Variants in ATRNL1 observed in about 807,000 individuals in gnomAD.
ATRNL1 encodes attractin like 1.
ATRNL1 carries 95 observed loss-of-function variants against 182.7 expected under a neutral mutation model. The observed-to-expected ratio is 0.52, with a 90% confidence interval of 0.44 to 0.62. ATRNL1 has a LOEUF of 0.62. Among genes scored for constraint, ATRNL1 ranks in the 20% least tolerant of loss-of-function variants. ATRNL1 has a pLI of 0.00. For missense variants in ATRNL1, 1,471 were observed against 1,679.5 expected (o/e 0.88, Z 2.17); for synonymous variants, 576 against 568.3 (o/e 1.01, Z -0.19).
At chr10:115,155,941 G>T (rs535224651) in intron 5 of ATRNL1, among the ~76,000 whole-genome samples, 35 of 152,140 alleles carry the variant, frequency 2.3e-4, no homozygotes, top group Middle Eastern at 6.8e-3. Context: ...GTATCGTGGG[G>T]TGCTAGAATT....
chr10:115,849,462 G>A (rs782605730), intron 28 of ATRNL1, among the ~76,000 whole-genome samples: 7 of 152,128 alleles, frequency 4.6e-5, no homozygotes, highest in Non-Finnish European at 1.0e-4. Context: ...TGGGCAGACT[G>A]AAGGCAACTG....
intron 27 of ATRNL1, among the ~76,000 whole-genome samples, chr10:115,846,875 C>T (rs868993135): frequency 1.3e-5 from 2 of 152,106 alleles, no homozygotes; most frequent in African/African-American, 2.4e-5. Context: ...CTATATGAAT[C>T]TGAGCAAGCT....
chr10:115,502,913 G>C (rs1849917658), intron 24 of ATRNL1, among the ~76,000 whole-genome samples: 1 of 152,060 alleles, frequency 6.6e-6, no homozygotes, highest in African/African-American at 2.4e-5. Context: ...GGCCCTAACA[G>C]TCTCACATCC....
intron 19 of ATRNL1, among the ~76,000 whole-genome samples, chr10:115,393,063 C>A (rs1844108710): frequency 6.6e-6 from 1 of 152,014 alleles, no homozygotes; most frequent in Non-Finnish European, 1.5e-5. Flanking sequence ...TGAAGTCCCA[C>A]TCATTAGGCT....
In ATRNL1 at chr10:115,462,165, A is replaced by T. The variant is rs1329980899; in HGVS notation, c.3417+130A>T. On this transcript the variant is annotated intron_variant, in intron 22 of 28. Coordinates refer to ENST00000355044, the MANE Select transcript of ATRNL1 (RefSeq NM_207303.4). Reference sequence around the variant, plus strand: ...TTTGTAGAAACTACTAATCCTATTAATTTTTTCTCTCTTCGTGATTCAATA... The same window carrying T: ...TTTGTAGAAACTACTAATCCTATTATTTTTTTCTCTCTTCGTGATTCAATA... The T allele has an allele frequency of 1.2e-5, 6 of 514,322 alleles. No homozygotes were observed. The East Asian group carries it at 1.7e-4, about 14-fold the overall frequency. The allele number at this position is 514,322 out of a possible 1,614,324, so 31.9% of individuals were successfully genotyped here.
chr10:115,319,468 A>G (rs1854472361), intron 18 of ATRNL1, among the ~76,000 whole-genome samples: 1 of 152,138 alleles, frequency 6.6e-6, no homozygotes, highest in Non-Finnish European at 1.5e-5. Flanking sequence ...CGATCTGTCT[A>G]ATATTGACAG....
At chr10:115,131,915 C>T (rs1479197667) in intron 5 of ATRNL1, among the ~76,000 whole-genome samples, 2 of 151,966 alleles carry the variant, frequency 1.3e-5, no homozygotes, top group Non-Finnish European at 2.9e-5. Context: ...TATATTAAGT[C>T]CTTTTTTTAT....
intron 26 of ATRNL1, among the ~76,000 whole-genome samples, chr10:115,599,049 G>A (rs140147480): frequency 5.9e-5 from 9 of 152,290 alleles, no homozygotes; most frequent in African/African-American, 2.2e-4. Context: ...GATTCACTGA[G>A]TTATGCAGGT....
At chr10:115,431,704 T>G (rs1846175502) in intron 21 of ATRNL1, among the ~76,000 whole-genome samples, 1 of 152,176 alleles carries the variant, frequency 6.6e-6, no homozygotes, top group African/African-American at 2.4e-5. Flanking sequence ...TTAATCCGTG[T>G]GCAATTATTA....
intron 27 of ATRNL1, among the ~76,000 whole-genome samples, chr10:115,829,927 C>A (rs192697846): frequency 6.6e-6 from 1 of 152,310 alleles, no homozygotes; most frequent in African/African-American, 2.4e-5. Flanking sequence ...AGGAACTCAT[C>A]TTTATCTTGG....
chr10:115,774,550 C>G (rs1387852261), intron 27 of ATRNL1, among the ~76,000 whole-genome samples: 1 of 151,660 alleles, frequency 6.6e-6, no homozygotes, highest in Non-Finnish European at 1.5e-5. Flanking sequence ...ATCACCTAAG[C>G]TATAAAAAAC....
At chr10:115,179,237 T>C (rs546475285) in intron 8 of ATRNL1, among the ~76,000 whole-genome samples, 26 of 152,310 alleles carry the variant, frequency 1.7e-4, no homozygotes, top group African/African-American at 6.0e-4. Context: ...CTTTTATTTT[T>C]TTCCATCCTG....
At chr10:115,451,600 T>TA (rs1401204625) in intron 21 of ATRNL1, among the ~76,000 whole-genome samples, 1 of 151,946 alleles carries the variant, frequency 6.6e-6, no homozygotes, top group South Asian at 2.1e-4. Context: ...TATTAAAAAG[T>TA]AAAAAAATAA....
chr10:115,396,356 A>T (rs903463499), intron 20 of ATRNL1, among the ~76,000 whole-genome samples: 3 of 152,012 alleles, frequency 2.0e-5, no homozygotes. Flanking sequence ...CTTGATTATA[A>T]GTAAGGCCAA....
At chr10:115,707,272 C>T (rs1555053290) in intron 26 of ATRNL1, among the ~76,000 whole-genome samples, 2 of 151,910 alleles carry the variant, frequency 1.3e-5, no homozygotes, top group East Asian at 3.9e-4. Flanking sequence ...TATTCTTCTT[C>T]TTTCCCTCTT....
chr10:115,306,536 T>C (rs146619515), intron 17 of ATRNL1, among the ~76,000 whole-genome samples: 1,781 of 152,208 alleles, frequency 0.012, 33 homozygotes, highest in African/African-American at 0.039. Flanking sequence ...TTTACAGTTT[T>C]TCATTGAAGA....
chr10:115,462,950 C>G (rs1344822010), intron 22 of ATRNL1, among the ~76,000 whole-genome samples: 1 of 151,772 alleles, frequency 6.6e-6, no homozygotes, highest in African/African-American at 2.4e-5. Flanking sequence ...GAAATATCAA[C>G]CATAGGGTTT....
chr10:115,483,228 A>G (rs1251502626), intron 24 of ATRNL1, among the ~76,000 whole-genome samples: 1 of 151,402 alleles, frequency 6.6e-6, no homozygotes, highest in African/African-American at 2.4e-5. Context: ...ATATGCCTTC[A>G]TAAATCAACA....
chr10:115,802,115 A>G (rs1949812213), intron 27 of ATRNL1, among the ~76,000 whole-genome samples: 1 of 151,712 alleles, frequency 6.6e-6, no homozygotes, highest in Non-Finnish European at 1.5e-5. Context: ...AATTCTCTTA[A>G]ATATCCCGAC....
Sources: allele counts gnomAD v4.1 joint callset (sites outside exome capture counted in the v4.1 genomes callset), GRCh38; gene constraint gnomAD v4.1.1; transcripts MANE v1.5; gene names NCBI Gene and HGNC (gene_info 2026-07-23, HGNC 2026-07-21).